The following PIK3C2B variants were observed in gnomAD, a reference collection of about 807,000 sequenced individuals.
The protein encoded by PIK3C2B is phosphatidylinositol-4-phosphate 3-kinase catalytic subunit type 2 beta, also known as phosphatidylinositol 4-phosphate 3-kinase C2 domain-containing subunit beta.
A neutral mutation model predicts 184.3 loss-of-function variants in PIK3C2B; 83 were observed. The observed-to-expected ratio is 0.45, with a 90% CI of 0.38 to 0.54. The LOEUF (loss-of-function observed/expected upper bound fraction) is 0.54, where lower values mean the gene tolerates loss of function less well. Among genes scored for constraint, PIK3C2B ranks in the 20% least tolerant of loss-of-function variants. PIK3C2B has a pLI of 0.00. For missense variants in PIK3C2B, 1,736 were observed against 2,113.5 expected, an observed-to-expected ratio of 0.82 and a Z score of 3.50; for synonymous variants, 779 against 837.6, an observed-to-expected ratio of 0.93 and a Z score of 1.21.
chr1:204,431,567 CA>C, intron 28 of PIK3C2B, 101 bp downstream of exon 28: 1 of 1,435,020 alleles, frequency 7.0e-7, no homozygotes, highest in Non-Finnish European at 9.8e-7. Context: ...ATGTTTAGTC[CA>C]AAAGGGTATT....
intron 1 of PIK3C2B, among the ~76,000 whole-genome samples, chr1:204,485,571 TCTTC>T: frequency 7.3e-6 from 1 of 137,760 alleles, no homozygotes; most frequent in Non-Finnish European, 1.6e-5. Context: ...ATCATGTCAT[TCTTC>T]CTTTTTTTTT....
intron 9 of PIK3C2B, 142 bp from the exon 10 acceptor site, chr1:204,457,212 G>C (rs933373463): frequency 5.8e-6 from 4 of 687,570 alleles, no homozygotes; most frequent in Admixed American, 2.7e-5. Context: ...AGAGAGGAGA[G>C]AGTAATGGTT....
chr1:204,466,663 G>A (rs1160374012), intron 2 of PIK3C2B: 1 of 390,692 alleles, frequency 2.6e-6, no homozygotes, highest in Non-Finnish European at 5.1e-6. Flanking sequence ...ACAGTGGGGG[G>A]AGGGAAGAGA....
intron 12 of PIK3C2B, among the ~76,000 whole-genome samples, chr1:204,450,957 C>A (rs116239349): frequency 6.6e-6 from 1 of 152,224 alleles, no homozygotes; most frequent in African/African-American, 2.4e-5. Context: ...GGCAGGGCGG[C>A]CACCCCCAAG....
chr1:204,435,004 T>C (rs1253918353), intron 23 of PIK3C2B, among the ~76,000 whole-genome samples: 2 of 152,182 alleles, frequency 1.3e-5, no homozygotes, highest in Non-Finnish European at 2.9e-5. Context: ...GCCGTGATGA[T>C]CTTAAGTACA....
At chr1:204,460,447 C>A (rs745977127) in intron 6 of PIK3C2B, 44 bp from the exon 7 acceptor site, 6 of 1,560,992 alleles carry the variant, frequency 3.8e-6, no homozygotes, top group Middle Eastern at 1.7e-4. Context: ...GTGCCCTTAT[C>A]TCAGCTCAGC....
chr1:204,448,900 A>G (rs1654106385), intron 14 of PIK3C2B, among the ~76,000 whole-genome samples: 2 of 152,150 alleles, frequency 1.3e-5, no homozygotes, highest in Admixed American at 1.3e-4. Flanking sequence ...AAGATTCAAT[A>G]CAAGGGACTC....
rs76853047 is a variant in PIK3C2B at position 204,436,166 on chromosome 1, T to C, written c.3517-1558A>G. 9.8e-3 allele frequency among the ~76,000 whole-genome samples: 1,491 copies of C among 152,318 alleles called. 19 individuals are homozygous for C. Among genetic ancestry groups the C allele is most frequent in the African/African-American group, 0.033 (1,389 of 41,560 alleles). ...GGGGTTTCATGTGTAGGGTGTGGGA[T>C]ACTCTCTTGCTGAGTAGGTGGCCAA... On this transcript the variant is annotated intron_variant, in intron 23 of 32. Transcript: ENST00000684373.
chr1:204,454,530 G>T, intron 12 of PIK3C2B, 139 bp downstream of exon 12: 10 of 673,244 alleles, frequency 1.5e-5, no homozygotes, highest in East Asian at 3.0e-5. Flanking sequence ...TCAAGAGGTT[G>T]AATGACTTGT....
At chr1:204,459,627 A>G (rs1020400975) in intron 8 of PIK3C2B, among the ~76,000 whole-genome samples, 2 of 152,172 alleles carry the variant, frequency 1.3e-5, no homozygotes, top group Admixed American at 6.5e-5. Flanking sequence ...ATTCCAGAGA[A>G]TGGGACCAGC....
At position 204,469,077 on chromosome 1, in the gene PIK3C2B, C is replaced by G. The variant is rs146926130; in HGVS notation, c.726G>C (p.Ser242=). Residue 242 remains serine (S), a synonymous_variant, in exon 2 of 33, where the codon TCG becomes TCC. Transcript: ENST00000684373. ...NDAITRLNLK[S]TYDAEMLRDA... ...CCCGCAACATCTCCGCATCATAGGT[C>G]GATTTCAAGTTGAGCCTAGTAATTG... 6.2e-7 allele frequency: 1 copy of G among 1,614,158 alleles called. No homozygotes were observed. Among genetic ancestry groups the G allele is most frequent in the South Asian group, 1.1e-5 (1 of 91,084 alleles).
At chr1:204,458,290 A>C (rs979561839) in intron 8 of PIK3C2B, among the ~76,000 whole-genome samples, 1 of 152,110 alleles carries the variant, frequency 6.6e-6, no homozygotes, top group African/African-American at 2.4e-5. Context: ...TCACCTGTCC[A>C]GCTCTGATTA....
intron 15 of PIK3C2B, among the ~76,000 whole-genome samples, chr1:204,446,693 G>C (rs1558245985): frequency 6.6e-6 from 1 of 152,226 alleles, no homozygotes; most frequent in Non-Finnish European, 1.5e-5. Flanking sequence ...TCTAATGGGA[G>C]AAGGGAGCTG....
rs61763413 is a variant in PIK3C2B at position 204,443,654 on chromosome 1, C to T, written c.2868-57G>A. On this transcript the variant is annotated intron_variant, in intron 18 of 32. Coordinates refer to ENST00000684373, the MANE Select transcript of PIK3C2B (RefSeq NM_001377334.1). ...ACTCCAGGGATCAAAGGCAAGGGTA[C>T]AGGGGGAGACAGAGTCAGGCCCAGC... The T allele has an allele frequency of 3.9e-4, 588 of 1,500,544 alleles. 5 individuals are homozygous for T. In the African/African-American group the frequency reaches 7.5e-3, roughly 19 times the overall value. 93.0% of individuals were successfully genotyped at this position (1,500,544 alleles called of 1,614,324 possible).
chr1:204,460,468 C>A (rs921757685), intron 6 of PIK3C2B, 65 bp from the exon 7 acceptor site: 58 of 1,536,666 alleles, frequency 3.8e-5, no homozygotes, highest in African/African-American at 5.5e-5. Context: ...ACTCCTACCC[C>A]CCTCCCACCT....
intron 11 of PIK3C2B, 89 bp downstream of exon 11, chr1:204,455,767 G>A: frequency 9.8e-7 from 1 of 1,021,258 alleles, no homozygotes; most frequent in Admixed American, 2.5e-5. Flanking sequence ...CTAAGACTTA[G>A]GACAGTGGTA....
At chr1:204,448,167 G>A (rs565095153) in intron 14 of PIK3C2B, among the ~76,000 whole-genome samples, 1 of 152,266 alleles carries the variant, frequency 6.6e-6, no homozygotes, top group Admixed American at 6.5e-5. Flanking sequence ...AGGCTGGAGT[G>A]CAGGGGTGTG....
At chr1:204,493,739 C>A (rs1005869555) in intron 1 of PIK3C2B, among the ~76,000 whole-genome samples, 5 of 152,180 alleles carry the variant, frequency 3.3e-5, no homozygotes, top group African/African-American at 1.2e-4. Context: ...CTGTCGGGAG[C>A]TGAAAATGAG....
intron 12 of PIK3C2B, chr1:204,450,248 GT>G (rs1260067720): frequency 2.2e-6 from 1 of 449,380 alleles, no homozygotes. Flanking sequence ...GAGCTTTGCA[GT>G]AGAGTGAGGC....
Sources: allele counts gnomAD v4.1 joint callset (sites outside exome capture counted in the v4.1 genomes callset), GRCh38; gene constraint gnomAD v4.1.1; transcripts MANE v1.5; gene names NCBI Gene and HGNC (gene_info 2026-07-23, HGNC 2026-07-21).